HEMK2: variants seen among roughly 807,000 people sequenced by gnomAD.
HEMK2 encodes methyltransferase HEMK2.
chr21:28,701,647 G>A, the HEMK2 span, among the ~76,000 whole-genome samples: 4 of 151,404 alleles, frequency 2.6e-5, no homozygotes, highest in South Asian at 4.2e-4. Flanking sequence ...TTTCTACAAT[G>A]AGAATTATAA....
the HEMK2 span, among the ~76,000 whole-genome samples, chr21:28,736,448 C>G: frequency 2.0e-5 from 3 of 152,178 alleles, no homozygotes; most frequent in Admixed American, 6.5e-5. Flanking sequence ...AAACTTGAAG[C>G]CTGAATATGT....
the HEMK2 span, among the ~76,000 whole-genome samples, chr21:28,582,890 C>G: frequency 6.6e-6 from 1 of 152,142 alleles, no homozygotes; most frequent in Admixed American, 6.6e-5. Context: ...TGGTTGTTAT[C>G]TGAAAACCTT....
At chr21:28,864,812 C>CAGATAGATAGATAGATAGAT in the HEMK2 span, among the ~76,000 whole-genome samples, 1 of 113,848 alleles carries the variant, frequency 8.8e-6, no homozygotes, top group Admixed American at 8.6e-5. Flanking sequence ...CTCTGAAAGA[C>CAGATAGATAGATAGATAGAT]AGACAGACAG....
the HEMK2 span, among the ~76,000 whole-genome samples, chr21:28,593,812 T>C: frequency 1.3e-5 from 2 of 152,182 alleles, no homozygotes; most frequent in African/African-American, 4.8e-5. Flanking sequence ...AGTAAATAAA[T>C]GAAGAGAATA....
chr21:28,851,102 A>T, the HEMK2 span, among the ~76,000 whole-genome samples: 2 of 152,222 alleles, frequency 1.3e-5, no homozygotes, highest in Non-Finnish European at 2.9e-5. Context: ...GATGACCCAT[A>T]ATCTAACATT....
chr21:28,873,525 C>T, the HEMK2 span: 1 of 152,198 alleles, frequency 6.6e-6, no homozygotes, highest in Non-Finnish European at 1.5e-5. Context: ...CTGGTGGTGA[C>T]CCAAACCTTC....
the HEMK2 span, among the ~76,000 whole-genome samples, chr21:28,877,207 G>A: frequency 9.1e-6 from 1 of 109,604 alleles, no homozygotes; most frequent in Non-Finnish European, 1.9e-5. Context: ...AGGGAGGGAA[G>A]GGAGAGAAAG....
the HEMK2 span, among the ~76,000 whole-genome samples, chr21:28,825,994 T>C: frequency 0.23 from 35,670 of 152,172 alleles, 5,890 homozygotes; most frequent in African/African-American, 0.46. Flanking sequence ...AGGATGCTCA[T>C]TGCAACCTAT....
At chr21:28,600,374 C>A in the HEMK2 span, among the ~76,000 whole-genome samples, 1 of 152,252 alleles carries the variant, frequency 6.6e-6, no homozygotes, top group Non-Finnish European at 1.5e-5. Context: ...GGGCTTGCAC[C>A]CTCTAAAGTC....
chr21:28,783,686 A>G, the HEMK2 span, among the ~76,000 whole-genome samples: 1 of 152,180 alleles, frequency 6.6e-6, no homozygotes, highest in Admixed American at 6.5e-5. Flanking sequence ...CCACTGCTGC[A>G]CTATGGGAGC....
At chr21:28,673,936 C>T in the HEMK2 span, among the ~76,000 whole-genome samples, 1 of 152,192 alleles carries the variant, frequency 6.6e-6, no homozygotes, top group Non-Finnish European at 1.5e-5. Context: ...CAGAGCAACT[C>T]CATCTTAAAT....
chr21:28,828,394 C>G, the HEMK2 span, among the ~76,000 whole-genome samples: 1 of 152,164 alleles, frequency 6.6e-6, no homozygotes, highest in Non-Finnish European at 1.5e-5. Flanking sequence ...TTGAAGCCCT[C>G]ATTTTAATGC....
the HEMK2 span, among the ~76,000 whole-genome samples, chr21:28,859,032 A>T: frequency 7.9e-5 from 12 of 152,212 alleles, no homozygotes; most frequent in Admixed American, 7.2e-4. Flanking sequence ...TAAATTAATT[A>T]AAAAATAACA....
chr21:28,678,676 T>G, the HEMK2 span, among the ~76,000 whole-genome samples: 1 of 152,260 alleles, frequency 6.6e-6, no homozygotes, highest in Admixed American at 6.5e-5. Context: ...GGGAAGCCCA[T>G]CAGACTAACA....
At chr21:28,703,196 C>T in the HEMK2 span, among the ~76,000 whole-genome samples, 2 of 152,194 alleles carry the variant, frequency 1.3e-5, no homozygotes, top group South Asian at 4.1e-4. Context: ...GAATCAAAAA[C>T]ACTACCTATC....
chr21:28,762,477 G>A, the HEMK2 span, among the ~76,000 whole-genome samples: 17,791 of 152,026 alleles, frequency 0.12, 1,722 homozygotes, highest in African/African-American at 0.25. Flanking sequence ...GGTTGAAAGG[G>A]TCACCAAAAA....
At chr21:28,852,706 T>G in the HEMK2 span, among the ~76,000 whole-genome samples, 1 of 152,240 alleles carries the variant, frequency 6.6e-6, no homozygotes, top group Admixed American at 6.5e-5. Flanking sequence ...TGAAATTGAT[T>G]GACGGGCCAT....
chr21:28,795,907 A>T, the HEMK2 span, among the ~76,000 whole-genome samples: 1 of 152,202 alleles, frequency 6.6e-6, no homozygotes, highest in African/African-American at 2.4e-5. Flanking sequence ...TCTGAGTGAG[A>T]AAATGATCAG....
At chr21:28,761,598 G>GT in the HEMK2 span, among the ~76,000 whole-genome samples, 1 of 143,586 alleles carries the variant, frequency 7.0e-6, no homozygotes, top group African/African-American at 2.8e-5. Flanking sequence ...GCTCTACAAA[G>GT]CTTTTTTTTT....
Sources: gnomAD v4.1 joint callset for allele counts (sites outside exome capture counted in the v4.1 genomes callset) on GRCh38, gnomAD v4.1.1 for gene constraint, MANE v1.5 for transcripts, NCBI Gene and HGNC (gene_info 2026-07-23, HGNC 2026-07-21) for gene names.